NEK10: variants seen among roughly 807,000 people sequenced by gnomAD.
NEK10 encodes NIMA related kinase 10.
Under a neutral mutation model 159.8 loss-of-function variants are expected in NEK10, and 122 were observed. The ratio of observed to expected loss-of-function variants is 0.76; its 90% confidence interval spans 0.66 to 0.89. NEK10 has a LOEUF of 0.89. Ranked by LOEUF, NEK10 falls within the 40% of genes least tolerant of loss-of-function variation. The pLI, the probability that NEK10 is intolerant of heterozygous loss-of-function variation, is 0.00. For synonymous variants in NEK10, 466 were observed against 457.1 expected (o/e 1.02, Z -0.25); for missense variants, 1,342 against 1,323.1 (o/e 1.01, Z -0.22).
intron 31 of NEK10, among the ~76,000 whole-genome samples, 158 bp downstream of exon 31, chr3:27,141,324 C>T (rs1943762883): frequency 6.6e-6 from 1 of 152,160 alleles, no homozygotes; most frequent in Non-Finnish European, 1.5e-5. Flanking sequence ...CTACTGCCTT[C>T]CCAGCTCTGC....
At chr3:27,292,741 G>A (rs2043086210) in intron 16 of NEK10, among the ~76,000 whole-genome samples, 1 of 146,976 alleles carries the variant, frequency 6.8e-6, no homozygotes, top group Admixed American at 6.8e-5. Context: ...GGCTGAGGCA[G>A]GAGAAGCAAC....
chr3:27,236,528 G>A (rs1026609633), intron 23 of NEK10, among the ~76,000 whole-genome samples: 30 of 151,908 alleles, frequency 2.0e-4, no homozygotes, highest in Non-Finnish European at 3.4e-4. Flanking sequence ...CCTAAGTGTC[G>A]GCCAGTCTGA....
At chr3:27,206,641 C>A in intron 23 of NEK10, 1 of 985,254 alleles carries the variant, frequency 1.0e-6, no homozygotes, top group Non-Finnish European at 1.2e-6. Flanking sequence ...ACTCGCAGAC[C>A]TAATTTCCAT....
At chr3:27,171,717 C>T in intron 29 of NEK10, 102 bp downstream of exon 29, 2 of 1,186,796 alleles carry the variant, frequency 1.7e-6, no homozygotes, top group Non-Finnish European at 2.4e-6. Flanking sequence ...CCTATTTCCG[C>T]AGGCACATGG....
intron 22 of NEK10, among the ~76,000 whole-genome samples, chr3:27,273,279 C>T (rs2149405586): frequency 6.6e-6 from 1 of 152,298 alleles, no homozygotes; most frequent in Admixed American, 6.5e-5. Flanking sequence ...CATCCTTGTA[C>T]AGCACTTGAC....
intron 31 of NEK10, among the ~76,000 whole-genome samples, chr3:27,133,899 C>T (rs1020667709): frequency 1.3e-5 from 2 of 152,198 alleles, no homozygotes; most frequent in Non-Finnish European, 2.9e-5. Flanking sequence ...TGTAGGTTGG[C>T]AGCACTGAGT....
At chr3:27,180,489 A>G (rs912998044) in intron 26 of NEK10, among the ~76,000 whole-genome samples, 3 of 152,092 alleles carry the variant, frequency 2.0e-5, no homozygotes, top group African/African-American at 7.2e-5. Flanking sequence ...GAGAACAATC[A>G]AGTGGGCAAG....
chr3:27,221,986 T>C (rs1371395088), intron 23 of NEK10, among the ~76,000 whole-genome samples: 1 of 152,202 alleles, frequency 6.6e-6, no homozygotes, highest in Non-Finnish European at 1.5e-5. Context: ...TTCCAGATAG[T>C]GGAAAACTTC....
At chr3:27,243,995 T>G (rs2149269990) in intron 23 of NEK10, among the ~76,000 whole-genome samples, 1 of 152,164 alleles carries the variant, frequency 6.6e-6, no homozygotes, top group East Asian at 1.9e-4. Flanking sequence ...CATCTCTCCT[T>G]CCCTTTTCCC....
rs549410604 is a variant in NEK10 at position 27,319,898 on chromosome 3, G to A, written c.447+2279C>T. On this transcript the variant is annotated intron_variant, in intron 6 of 35. Transcript: ENST00000691995. The stretch of plus-strand genomic sequence containing the variant: ...TGGCTGAGAAAAGTGAAGATGGCTT[G>A]GAAGAGCCGCTATGGACCCTGCAGT... Among the ~76,000 whole-genome samples the A allele has an allele frequency of 3.3e-5, 5 of 152,254 alleles. No homozygotes were observed. In the East Asian group the frequency reaches 9.7e-4, roughly 29 times the overall value.
intron 9 of NEK10, chr3:27,310,563 A>G (rs373522490): frequency 6.4e-6 from 1 of 157,202 alleles, no homozygotes; most frequent in African/African-American, 2.4e-5. Flanking sequence ...AAACTAATAT[A>G]GCCCCACATG....
chr3:27,125,263 GT>G (rs2125476298), intron 32 of NEK10, among the ~76,000 whole-genome samples: 1 of 152,170 alleles, frequency 6.6e-6, no homozygotes, highest in Non-Finnish European at 1.5e-5. Flanking sequence ...AACTATACAT[GT>G]AATATTTATT....
intron 32 of NEK10, among the ~76,000 whole-genome samples, chr3:27,125,496 T>G (rs978656671): frequency 1.3e-5 from 2 of 152,190 alleles, no homozygotes; most frequent in Non-Finnish European, 2.9e-5. Context: ...AGATTTTCCT[T>G]ATCTTCTTTG....
In NEK10 at chr3:27,107,415, T is replaced by C. The variant is rs1939110797; in HGVS notation, c.*3857A>G. ...AAGCTGTTTCCCTGAGAAATTTGTG[T>C]CTTCCTATCAATATGAAAAACAGCG... On this transcript the variant is annotated 3_prime_UTR_variant, in exon 36 of 36. Transcript: ENST00000691995. 1.3e-5 allele frequency among the ~76,000 whole-genome samples: 2 copies of C among 152,212 alleles called. No homozygotes were observed. The highest frequency in any genetic ancestry group is 4.8e-5 in the African/African-American group (2 of 41,454).
intron 29 of NEK10, among the ~76,000 whole-genome samples, chr3:27,171,518 T>G (rs1416311852): frequency 6.6e-6 from 1 of 152,098 alleles, no homozygotes; most frequent in African/African-American, 2.4e-5. Context: ...GGGCTCCAGA[T>G]GACCTCATGG....
chr3:27,193,918 G>A (rs1559586455), intron 25 of NEK10: 1 of 152,100 alleles, frequency 6.6e-6, no homozygotes, highest in African/African-American at 2.4e-5. Flanking sequence ...TGGAATCTGA[G>A]TCCTGATAGG....
intron 19 of NEK10, among the ~76,000 whole-genome samples, chr3:27,288,914 G>C (rs1172703393): frequency 6.6e-6 from 1 of 152,146 alleles, no homozygotes; most frequent in Admixed American, 6.5e-5. Context: ...AGTTGAAGCT[G>C]GACATGGCTT....
intron 5 of NEK10, among the ~76,000 whole-genome samples, chr3:27,338,100 C>G (rs766544828): frequency 1.2e-4 from 18 of 152,242 alleles, no homozygotes; most frequent in African/African-American, 3.9e-4. Flanking sequence ...TCCCAGCCCC[C>G]CAACAGGCTC....
intron 22 of NEK10, among the ~76,000 whole-genome samples, chr3:27,256,912 C>CTTTTTTTT (rs550014186): frequency 1.2e-4 from 15 of 125,120 alleles, no homozygotes; most frequent in African/African-American, 3.1e-4. Flanking sequence ...TTTTTTCTCT[C>CTTTTTTTT]TTTTTTTTTT....
Sources: allele counts gnomAD v4.1 joint callset (sites outside exome capture counted in the v4.1 genomes callset), GRCh38; gene constraint gnomAD v4.1.1; transcripts MANE v1.5; gene names NCBI Gene and HGNC (gene_info 2026-07-23, HGNC 2026-07-21).